ZNF793: variants seen among roughly 807,000 people sequenced by gnomAD.
ZNF793 encodes zinc finger protein 793.
Under a neutral mutation model 12.4 loss-of-function variants are expected in ZNF793, and 5 were observed. The ratio of observed to expected loss-of-function variants is 0.40; its 90% CI spans 0.21 to 0.84. The LOEUF (loss-of-function observed/expected upper bound fraction) is 0.84. Among genes scored for constraint, ZNF793 ranks in the 40% least tolerant of loss-of-function variants. The probability of loss-of-function intolerance (pLI) is 0.35; values close to 1 mark genes in which losing one functional copy is unlikely to be tolerated. For missense variants in ZNF793, 456 were observed against 495.0 expected, an observed-to-expected ratio of 0.92 and a Z score of 0.75; for synonymous variants, 162 against 172.4, an observed-to-expected ratio of 0.94 and a Z score of 0.47.
chr19:37,529,916 C>T (rs1264490875), intron 5 of ZNF793, among the ~76,000 whole-genome samples: 3 of 151,722 alleles, frequency 2.0e-5, no homozygotes, highest in South Asian at 2.1e-4. Context: ...TAATGGGGCC[C>T]AGGGTACCAG....
At chr19:37,512,246 G>T (rs2042299656) in intron 2 of ZNF793, among the ~76,000 whole-genome samples, 1 of 152,158 alleles carries the variant, frequency 6.6e-6, no homozygotes, top group African/African-American at 2.4e-5. Flanking sequence ...GCCCGGTGTG[G>T]TGGCTCATGC....
chr19:37,510,733 A>G (rs2042287809), intron 2 of ZNF793, among the ~76,000 whole-genome samples: 1 of 149,520 alleles, frequency 6.7e-6, no homozygotes, highest in Non-Finnish European at 1.5e-5. Flanking sequence ...GTCTCACTCT[A>G]TTGCCCAGGC....
At chr19:37,517,172 A>C (rs183808332) in intron 2 of ZNF793, among the ~76,000 whole-genome samples, 1 of 152,364 alleles carries the variant, frequency 6.6e-6, no homozygotes, top group East Asian at 1.9e-4. Flanking sequence ...TTTTAAATAA[A>C]AAAGGAAAAT....
At chr19:37,513,229 C>CA (rs1417405750) in intron 2 of ZNF793, among the ~76,000 whole-genome samples, 4 of 152,152 alleles carry the variant, frequency 2.6e-5, no homozygotes, top group Non-Finnish European at 5.9e-5. Context: ...ATTTTGAGAT[C>CA]ATGTAATTAA....
intron 7 of ZNF793, 171 bp from the exon 8 acceptor site, chr19:37,536,726 A>T (rs1052946216): frequency 4.5e-6 from 3 of 660,292 alleles, no homozygotes; most frequent in Non-Finnish European, 7.6e-6. Context: ...ATTGAATTCC[A>T]TTTGTGCCAG....
At position 37,537,573 on chromosome 19, in the gene ZNF793, C is replaced by T. The variant is rs2147115136; in HGVS notation, c.915C>T (p.His305=). The change falls in exon 8 of 8, where the codon CAC becomes CAT. Residue 305 remains histidine (H), a synonymous_variant. Transcript: ENST00000627814. ...ACCGCACAGAACATCAGAGAACACA[C>T]ACAGGAGAGAGACCCTTTGTCTGCA... is the stretch of plus-strand genomic sequence containing the variant. The part of the protein sequence containing the change: ...KSHRTEHQRT[H]TGERPFVCSE... 5.0e-6 allele frequency: 8 copies of T among 1,614,188 alleles called. No individual in the cohort carries two copies. In the East Asian group the frequency reaches 1.8e-4, roughly 36 times the overall value.
chr19:37,514,599 T>TAGATAGATAGATAGAC (rs1568786270), intron 2 of ZNF793, among the ~76,000 whole-genome samples: 4 of 151,404 alleles, frequency 2.6e-5, no homozygotes, highest in African/African-American at 9.7e-5. Context: ...GATAGATAGA[T>TAGATAGATAGATAGAC]AGATAGATAG....
intron 2 of ZNF793, among the ~76,000 whole-genome samples, chr19:37,511,096 A>T (rs1383908829): frequency 6.6e-6 from 1 of 152,212 alleles, no homozygotes; most frequent in East Asian, 1.9e-4. Context: ...AGAGTCCTGT[A>T]ACCACAGCCT....
At chr19:37,510,350 C>CA (rs766159707) in intron 2 of ZNF793, among the ~76,000 whole-genome samples, 2,813 of 123,416 alleles carry the variant, frequency 0.023, 47 homozygotes, top group African/African-American at 0.052. Context: ...ACTAAAACTA[C>CA]AAAAAAAAAA....
chr19:37,514,471 G>A lies in ZNF793; in HGVS notation c.-275-5713G>A, dbSNP rs1485301102. Among the ~76,000 whole-genome samples, 6 of 152,048 alleles carry A rather than the reference G, an allele frequency of 3.9e-5. 1 individual carries two copies. The highest frequency in any genetic ancestry group is 3.3e-4 in the Admixed American group (5 of 15,238). ...CTTGGGAGGCTGAGGTGGGAGGGTCGCTTGAGTCTGGTAGGTTAAGACTGC... is the reference window on the plus strand; with the variant it reads ...CTTGGGAGGCTGAGGTGGGAGGGTCACTTGAGTCTGGTAGGTTAAGACTGC... On this transcript the variant is annotated intron_variant, in intron 2 of 7. Coordinates refer to ENST00000627814, the MANE Select transcript of ZNF793 (RefSeq NM_001013659.3).
chr19:37,523,384 A>T, intron 4 of ZNF793, 26 bp from the exon 5 acceptor site: 2 of 1,585,826 alleles, frequency 1.3e-6, no homozygotes. Context: ...CTCTTTCTCC[A>T]TCTTCTTCCC....
At chr19:37,518,627 C>T in intron 2 of ZNF793, among the ~76,000 whole-genome samples, 1 of 95,174 alleles carries the variant, frequency 1.1e-5, no homozygotes, top group East Asian at 3.0e-4. Flanking sequence ...AACCCTGTCT[C>T]TACAAAAAAA....
intron 3 of ZNF793, among the ~76,000 whole-genome samples, chr19:37,522,028 T>TA (rs1395832928): frequency 6.6e-6 from 1 of 152,174 alleles, no homozygotes; most frequent in African/African-American, 2.4e-5. Context: ...AACTTTTTTT[T>TA]ATGTAACCAG....
intron 5 of ZNF793, among the ~76,000 whole-genome samples, chr19:37,530,332 C>T (rs938679944): frequency 2.0e-5 from 3 of 152,196 alleles, no homozygotes; most frequent in Non-Finnish European, 4.4e-5. Flanking sequence ...TATACTAATC[C>T]TCCTCAGCAC....
chr19:37,507,729 G>C (rs781618509), intron 1 of ZNF793, among the ~76,000 whole-genome samples: 3 of 152,188 alleles, frequency 2.0e-5, no homozygotes, highest in Admixed American at 6.5e-5. Context: ...ATCCTCAGTC[G>C]TTGGGATATC....
At chr19:37,536,519 A>G (rs2042506068) in intron 7 of ZNF793, 1 of 405,498 alleles carries the variant, frequency 2.5e-6, no homozygotes, top group South Asian at 1.2e-4. Context: ...ATAAAGTTTT[A>G]TTAGAACACA....
chr19:37,531,499 C>T (rs1390414244), intron 5 of ZNF793: 1 of 154,010 alleles, frequency 6.5e-6, no homozygotes, highest in Non-Finnish European at 1.5e-5. Context: ...TGGCCGACCT[C>T]TGCATACTTT....
intron 2 of ZNF793, among the ~76,000 whole-genome samples, chr19:37,509,673 C>T (rs1201483095): frequency 6.6e-6 from 1 of 152,198 alleles, no homozygotes. Flanking sequence ...ATTCCCTTCA[C>T]CACCTATACT....
chr19:37,527,097 A>C (rs565720459), intron 5 of ZNF793, among the ~76,000 whole-genome samples: 1 of 152,178 alleles, frequency 6.6e-6, no homozygotes, highest in Admixed American at 6.5e-5. Context: ...ATAGGCATGC[A>C]CCATCACGCC....
Sources: gnomAD v4.1 joint callset for allele counts (sites outside exome capture counted in the v4.1 genomes callset) on GRCh38, gnomAD v4.1.1 for gene constraint, MANE v1.5 for transcripts, NCBI Gene and HGNC (gene_info 2026-07-23, HGNC 2026-07-21) for gene names.